Variants in COXFA4 observed in about 807,000 individuals in gnomAD.
The protein encoded by COXFA4 is cytochrome c oxidase associated subunit FA4.
At chr7:10,939,046 TTGAG>T in the COXFA4 span, 1 of 618,614 alleles carries the variant, frequency 1.6e-6, no homozygotes, top group Non-Finnish European at 2.9e-6. Context: ...AGATCTTACA[TTGAG>T]GTAAGATTTC....
chr7:10,940,144 A>G, the COXFA4 span: 4,579 of 1,356,258 alleles, frequency 3.4e-3, 16 homozygotes, highest in Non-Finnish European at 4.3e-3. Flanking sequence ...ATGAGACACT[A>G]CGGACTTCCA....
the COXFA4 span, among the ~76,000 whole-genome samples, chr7:10,935,758 G>T: frequency 6.6e-6 from 1 of 152,188 alleles, no homozygotes; most frequent in South Asian, 2.1e-4. Flanking sequence ...TAAATTTGTT[G>T]TTTAAGCCAC....
chr7:10,933,915 A>G, the COXFA4 span, among the ~76,000 whole-genome samples: 2 of 152,200 alleles, frequency 1.3e-5, no homozygotes, highest in Non-Finnish European at 2.9e-5. Context: ...TTATTTCAGA[A>G]GAGCAGTATT....
At chr7:10,934,166 G>A in the COXFA4 span, among the ~76,000 whole-genome samples, 1 of 151,860 alleles carries the variant, frequency 6.6e-6, no homozygotes, top group Non-Finnish European at 1.5e-5. Flanking sequence ...GTAATATAAG[G>A]TACTGCTTTG....
the COXFA4 span, chr7:10,933,841 G>C: frequency 1.6e-6 from 1 of 640,760 alleles, no homozygotes; most frequent in African/African-American, 1.8e-5. Flanking sequence ...ATCATTCACA[G>C]AAAAATACTG....
At chr7:10,937,098 A>T in the COXFA4 span, among the ~76,000 whole-genome samples, 1 of 152,156 alleles carries the variant, frequency 6.6e-6, no homozygotes, top group Non-Finnish European at 1.5e-5. Context: ...ACACCTGTCA[A>T]GCAGTGCTGG....
chr7:10,940,110 G>A, the COXFA4 span: 21 of 1,574,556 alleles, frequency 1.3e-5, no homozygotes, highest in Non-Finnish European at 1.8e-5. Flanking sequence ...TAGCCACCAG[G>A]CCCTAAGCTA....
the COXFA4 span, among the ~76,000 whole-genome samples, chr7:10,934,573 T>C: frequency 6.6e-6 from 1 of 152,248 alleles, no homozygotes; most frequent in East Asian, 1.9e-4. Context: ...ACTATGTTAT[T>C]TATCTCCAAA....
the COXFA4 span, chr7:10,938,725 C>A: frequency 2.2e-6 from 2 of 929,990 alleles, no homozygotes; most frequent in Non-Finnish European, 3.6e-6. Flanking sequence ...TTCTACTACC[C>A]TAATGTTATC....
the COXFA4 span, chr7:10,933,280 T>C: frequency 1.0e-5 from 2 of 196,976 alleles, no homozygotes; most frequent in South Asian, 1.0e-4. Flanking sequence ...CCAGTTGTTA[T>C]GTATGCTCTA....
chr7:10,938,888 G>T, the COXFA4 span: 7 of 1,612,504 alleles, frequency 4.3e-6, no homozygotes, highest in South Asian at 6.6e-5. Flanking sequence ...ATACAAAGAG[G>T]GGGATCAACT....
the COXFA4 span, chr7:10,938,560 C>A: frequency 2.2e-6 from 1 of 452,594 alleles, no homozygotes; most frequent in South Asian, 2.9e-5. Context: ...TATGTCAATC[C>A]TCAAAACATT....
chr7:10,936,975 G>A, the COXFA4 span, among the ~76,000 whole-genome samples: 1 of 152,130 alleles, frequency 6.6e-6, no homozygotes, highest in East Asian at 1.9e-4. Context: ...AGTGGAGGCT[G>A]TAGTGAGCCA....
At chr7:10,938,413 A>C in the COXFA4 span, 1 of 486,288 alleles carries the variant, frequency 2.1e-6, no homozygotes, top group East Asian at 3.4e-5. Flanking sequence ...ATAAAGTGAT[A>C]TACAGAAAAG....
chr7:10,940,001 C>T, the COXFA4 span: 2 of 1,613,678 alleles, frequency 1.2e-6, no homozygotes, highest in South Asian at 2.2e-5. Context: ...ATTAGGAGAG[C>T]GGTCACGAAC....
chr7:10,938,051 C>G, the COXFA4 span: 264 of 1,574,234 alleles, frequency 1.7e-4, no homozygotes, highest in African/African-American at 3.2e-3. Context: ...CTTATTACAA[C>G]ACAATTTCTA....
At chr7:10,934,173 TTTG>T in the COXFA4 span, among the ~76,000 whole-genome samples, 390 of 152,240 alleles carry the variant, frequency 2.6e-3, 4 homozygotes, top group Non-Finnish European at 3.3e-3. Context: ...AAGGTACTGC[TTTG>T]TTTTGTGGTT....
At chr7:10,938,736 G>T in the COXFA4 span, 1 of 1,031,992 alleles carries the variant, frequency 9.7e-7, no homozygotes, top group Non-Finnish European at 1.5e-6. Flanking sequence ...TAATGTTATC[G>T]CCCTACAGAG....
chr7:10,934,359 T>A, the COXFA4 span, among the ~76,000 whole-genome samples: 2 of 143,390 alleles, frequency 1.4e-5, no homozygotes, highest in African/African-American at 5.4e-5. Flanking sequence ...TAGAAATAAA[T>A]CTTACTGTGA....
Sources: allele counts gnomAD v4.1 joint callset (sites outside exome capture counted in the v4.1 genomes callset), GRCh38; gene constraint gnomAD v4.1.1; transcripts MANE v1.5; gene names NCBI Gene and HGNC (gene_info 2026-07-23, HGNC 2026-07-21).